Variants in TNKS observed in about 807,000 individuals in gnomAD.
TNKS encodes poly [ADP-ribose] polymerase tankyrase-1.
TNKS carries 72 observed loss-of-function variants against 135.8 expected under a neutral mutation model. The observed-to-expected ratio is 0.53, with a 90% CI of 0.44 to 0.64. The LOEUF is 0.64. Among genes scored for constraint, TNKS ranks in the 30% least tolerant of loss-of-function variants. TNKS has a pLI of 0.00. For synonymous variants in TNKS, 849 were observed against 649.3 expected, an observed-to-expected ratio of 1.31 and a Z score of -4.68; for missense variants, 1,769 against 1,674.0, an observed-to-expected ratio of 1.06 and a Z score of -0.99.
rs559874534 is a variant in TNKS, at chr8:9,778,543, A to C, written c.*1807A>C. On this transcript the variant is annotated 3_prime_UTR_variant, in exon 27 of 27. Transcript: ENST00000310430. Reference sequence around the variant, plus strand: ...AATTTTTATGGGTCCTCAAAATTAAATCGAGAATTAGCCTCAGTTGTTGCT... The same window carrying C: ...AATTTTTATGGGTCCTCAAAATTAACTCGAGAATTAGCCTCAGTTGTTGCT... 2.1e-4 allele frequency: 32 copies of C among 152,794 alleles called. No homozygotes were observed. The highest frequency in any genetic ancestry group is 7.2e-4 in the African/African-American group (30 of 41,590). The allele number at this position is 152,794 out of a possible 1,614,324, so 9.5% of individuals were successfully genotyped here.
At chr8:9,646,830 G>A (rs528929415) in intron 3 of TNKS, among the ~76,000 whole-genome samples, 6 of 151,984 alleles carry the variant, frequency 3.9e-5, no homozygotes, top group African/African-American at 1.2e-4. Context: ...TATCCTTTGG[G>A]GTCCTATGAG....
At chr8:9,649,372 G>A (rs1001862569) in intron 3 of TNKS, among the ~76,000 whole-genome samples, 3 of 152,124 alleles carry the variant, frequency 2.0e-5, no homozygotes, top group Admixed American at 6.5e-5. Flanking sequence ...GAGTTTTCAC[G>A]TTTTTAAAGA....
chr8:9,693,084 T>C (rs1803352793), intron 5 of TNKS, among the ~76,000 whole-genome samples: 1 of 152,226 alleles, frequency 6.6e-6, no homozygotes, highest in Non-Finnish European at 1.5e-5. Flanking sequence ...GAATTCCATT[T>C]TAATGGCTAA....
chr8:9,691,355 C>T (rs1028252558), intron 5 of TNKS, among the ~76,000 whole-genome samples: 2 of 152,180 alleles, frequency 1.3e-5, no homozygotes, highest in Non-Finnish European at 2.9e-5. Context: ...TCCAATGGAA[C>T]AGTCACACTG....
At chr8:9,644,941 C>T (rs1015252455) in intron 3 of TNKS, among the ~76,000 whole-genome samples, 2 of 152,146 alleles carry the variant, frequency 1.3e-5, no homozygotes, top group African/African-American at 2.4e-5. Context: ...TTTTGCCCCA[C>T]TATAGGCCAA....
chr8:9,749,659 T>C (rs941433578), intron 18 of TNKS, among the ~76,000 whole-genome samples: 1 of 151,958 alleles, frequency 6.6e-6, no homozygotes, highest in Admixed American at 6.6e-5. Flanking sequence ...GTTTTTACTT[T>C]TTGTAGAGAC....
chr8:9,652,805 A>G (rs750878922), intron 3 of TNKS, among the ~76,000 whole-genome samples: 8 of 152,170 alleles, frequency 5.3e-5, no homozygotes, highest in Non-Finnish European at 1.0e-4. Flanking sequence ...TTTTATTTCC[A>G]TTATCCCTGA....
rs1179188671 is a variant in TNKS, at chr8:9,763,256, CA to C, written c.3372+13del. The stretch of plus-strand genomic sequence containing the variant: ...CAGTGGAAGAAGAGGTAATATACAT[CA>C]GAAATCTTTCATTTGCTTTTCTTGA... On this transcript the variant is annotated intron_variant, in intron 22 of 26. Coordinates refer to ENST00000310430, the MANE Select transcript of TNKS (RefSeq NM_003747.3). 1 of 1,521,386 alleles carries C rather than the reference CA, an allele frequency of 6.6e-7. No homozygotes were observed. Among genetic ancestry groups the C allele is most frequent in the Admixed American group, 1.8e-5 (1 of 55,080 alleles). The allele number at this position is 1,521,386 out of a possible 1,614,324, so 94.2% of individuals were successfully genotyped here.
At chr8:9,663,048 G>A (rs1290589882) in intron 3 of TNKS, among the ~76,000 whole-genome samples, 2 of 152,188 alleles carry the variant, frequency 1.3e-5, no homozygotes, top group African/African-American at 2.4e-5. Context: ...AATCAGAGAC[G>A]ATCTGATGAC....
intron 3 of TNKS, among the ~76,000 whole-genome samples, chr8:9,655,367 C>A (rs191082333): frequency 1.6e-3 from 249 of 152,342 alleles, no homozygotes; most frequent in African/African-American, 5.5e-3. Context: ...ACTTAAATGT[C>A]CCTGTCTGAC....
chr8:9,682,938 T>C (rs1231591628), intron 5 of TNKS, among the ~76,000 whole-genome samples: 1 of 152,026 alleles, frequency 6.6e-6, no homozygotes, highest in Non-Finnish European at 1.5e-5. Context: ...TCCTAAAATA[T>C]AAATAATGCA....
rs1462115333 is a variant in TNKS, at chr8:9,765,764, C to T, written c.3520C>T (p.His1174Tyr). The part of the protein sequence containing the change: ...HRQKEVSEEN[H>Y]NHHNERMLFH... ...ACAGAAGGAAGTGTCTGAGGAGAATCACAACCATCACAATGAGCGCATGTT... is the reference window on the plus strand; with the variant it reads ...ACAGAAGGAAGTGTCTGAGGAGAATTACAACCATCACAATGAGCGCATGTT... The change falls in exon 24 of 27, where the codon CAC becomes TAC. Residue 1174 changes from histidine (H) to tyrosine (Y), a missense_variant. His to Tyr is a moderately conservative substitution (Grantham distance 83). Transcript: ENST00000310430. The T allele has an allele frequency of 6.2e-7, 1 of 1,613,856 alleles. No individual in the cohort carries two copies. The highest frequency in any genetic ancestry group is 1.3e-5 in the African/African-American group (1 of 74,922).
chr8:9,671,214 T>TA (rs1802255858), intron 3 of TNKS: 1 of 152,180 alleles, frequency 6.6e-6, no homozygotes, highest in Admixed American at 6.5e-5. Flanking sequence ...GTTAAACAGA[T>TA]ACTTATGATA....
At position 9,628,409 on chromosome 8, in the gene TNKS, C is replaced by T. The variant is rs564494733; in HGVS notation, c.994+12732C>T. ...TTTAAGAAACTCTGTCTTGCATATC[C>T]GTTGGCCACTTTCTCGTGGAGCCTC... On this transcript the variant is annotated intron_variant, in intron 3 of 26. Coordinates refer to ENST00000310430, the MANE Select transcript of TNKS (RefSeq NM_003747.3). 4.4e-4 allele frequency among the ~76,000 whole-genome samples: 67 copies of T among 152,168 alleles called. 1 individual carries two copies. Among genetic ancestry groups the T allele is most frequent in the African/African-American group, 6.3e-4 (26 of 41,506 alleles).
intron 2 of TNKS, among the ~76,000 whole-genome samples, chr8:9,598,260 G>T (rs1294590469): frequency 6.6e-6 from 1 of 151,994 alleles, no homozygotes; most frequent in Non-Finnish European, 1.5e-5. Context: ...TGTTAGCCAG[G>T]ATGGTCTTGA....
intron 11 of TNKS, among the ~76,000 whole-genome samples, chr8:9,714,580 G>C (rs1585365386): frequency 6.6e-6 from 1 of 152,098 alleles, no homozygotes; most frequent in South Asian, 2.1e-4. Context: ...GACTGTAGTA[G>C]ATACTGTGGA....
At chr8:9,621,132 C>T (rs1799851126) in intron 3 of TNKS, among the ~76,000 whole-genome samples, 2 of 152,060 alleles carry the variant, frequency 1.3e-5, no homozygotes, top group Admixed American at 6.5e-5. Context: ...TTTCTTAAAA[C>T]ATAAGTGCAT....
At chr8:9,773,192 A>AAC (rs374833740) in intron 26 of TNKS, among the ~76,000 whole-genome samples, 1 of 152,240 alleles carries the variant, frequency 6.6e-6, no homozygotes, top group South Asian at 2.1e-4. Flanking sequence ...GATAGTCACA[A>AAC]ACACACACTA....
chr8:9,657,264 TCCCTCCCGGACGGGGCGGCTGGCC>T, intron 3 of TNKS, among the ~76,000 whole-genome samples: 1 of 77,882 alleles, frequency 1.3e-5, no homozygotes, highest in South Asian at 4.8e-4. Flanking sequence ...CCCCCCCACC[TCCCTCCCGGACGGGGCGGCTGGCC>T]GGGCGGGGGG....
Sources: gnomAD v4.1 joint callset for allele counts (sites outside exome capture counted in the v4.1 genomes callset) on GRCh38, gnomAD v4.1.1 for gene constraint, MANE v1.5 for transcripts, NCBI Gene and HGNC (gene_info 2026-07-23, HGNC 2026-07-21) for gene names.